STX3: variants seen among roughly 807,000 people sequenced by gnomAD.
STX3 encodes the protein syntaxin-3.
STX3 carries 19 observed loss-of-function variants against 40.2 expected under a neutral mutation model. That is an observed-to-expected ratio of 0.47 (90% CI 0.33 to 0.69). The LOEUF is 0.69. Among genes scored for constraint, STX3 ranks in the 30% least tolerant of loss-of-function variants. The pLI is 0.02. For synonymous variants in STX3, 122 were observed against 132.2 expected, an observed-to-expected ratio of 0.92 and a Z score of 0.53; for missense variants, 364 against 366.7, an observed-to-expected ratio of 0.99 and a Z score of 0.06.
Position 59,770,108 on chromosome 11 carries a change from G to A in STX3, c.31-3103G>A, listed in dbSNP as rs114482319. Among the ~76,000 whole-genome samples, 1,050 of 151,074 alleles carry A rather than the reference G, an allele frequency of 7.0e-3. 9 individuals are homozygous for A. Among genetic ancestry groups the A allele is most frequent in the African/African-American group, 0.025 (1,019 of 41,128 alleles). On this transcript the variant is annotated intron_variant, in intron 1 of 10. Transcript: ENST00000337979. Reference sequence around the variant, plus strand: ...GGGTGTTTGTGTATGTGGAATGGGTGTGGGTGTATGTGTGGAGTGTGTACG... The same window carrying A: ...GGGTGTTTGTGTATGTGGAATGGGTATGGGTGTATGTGTGGAGTGTGTACG...
chr11:59,779,250 G>A (rs1864195826), intron 2 of STX3, among the ~76,000 whole-genome samples: 1 of 152,232 alleles, frequency 6.6e-6, no homozygotes, highest in South Asian at 2.1e-4. Context: ...GAGGCTGAAA[G>A]TCCGAGACCA....
Position 59,797,407 on chromosome 11 carries a change from G to A in STX3, c.*30+11G>A, listed in dbSNP as rs148831521. On this transcript the variant is annotated intron_variant, in intron 10 of 10. Coordinates refer to ENST00000337979, the MANE Select transcript of STX3 (RefSeq NM_004177.5). ...CTGCTGCACTGAAATGTAAGTAAAC[G>A]AGTGGTTCTTGGGGACTCTGGATTT... 246 of 1,605,836 alleles carry A rather than the reference G, an allele frequency of 1.5e-4. No individual in the cohort carries two copies. In the African/African-American group the frequency reaches 3.0e-3, roughly 19 times the overall value.
At chr11:59,755,788 C>T (rs1239969748) in intron 1 of STX3, among the ~76,000 whole-genome samples, 153 bp downstream of exon 1, 1 of 152,206 alleles carries the variant, frequency 6.6e-6, no homozygotes, top group East Asian at 1.9e-4. Context: ...TCCGCACCCT[C>T]CCCTCCCCTC....
chr11:59,777,184 C>T (rs1312585482), intron 2 of STX3, among the ~76,000 whole-genome samples: 5 of 152,134 alleles, frequency 3.3e-5, no homozygotes, highest in Admixed American at 6.5e-5. Flanking sequence ...GAAGAGGAAG[C>T]GTTAAATTCT....
In STX3 at chr11:59,801,004, G is replaced by C; in HGVS notation, c.*180G>C. On this transcript the variant is annotated 3_prime_UTR_variant, in exon 11 of 11. Coordinates refer to ENST00000337979, the MANE Select transcript of STX3 (RefSeq NM_004177.5). Reference sequence around the variant, plus strand: ...ACTCAGCTAACAATCTAGCCCTGGGGGAATGTGATCTACCTGATGCGACCC... The same window carrying C: ...ACTCAGCTAACAATCTAGCCCTGGGCGAATGTGATCTACCTGATGCGACCC... 1 of 1,524,178 alleles carries C rather than the reference G, an allele frequency of 6.6e-7. No homozygotes were observed. The highest frequency in any genetic ancestry group is 1.2e-5 in the South Asian group (1 of 82,316). 94.4% of individuals were successfully genotyped at this position (1,524,178 alleles called of 1,614,324 possible). A position where few individuals can be genotyped will look rare whatever the true frequency, so the allele number is the denominator to read the frequency against.
At position 59,805,189 on chromosome 11, in the gene STX3, A is replaced by AAAAAAAAAAAAC; in HGVS notation, c.*4368_*4369insAAAAAAAACAAA. The AAAAAAAAAAAAC allele has an allele frequency of 6.7e-6, 1 of 149,586 alleles. No individual in the cohort carries two copies. Among genetic ancestry groups the AAAAAAAAAAAAC allele is most frequent in the African/African-American group, 2.5e-5 (1 of 40,238 alleles). 9.3% of individuals were successfully genotyped at this position (149,586 alleles called of 1,614,324 possible). A position where few individuals can be genotyped will look rare whatever the true frequency, so the allele number is the denominator to read the frequency against. On this transcript the variant is annotated 3_prime_UTR_variant, in exon 11 of 11. Transcript: ENST00000337979. ...CTAAATTCCATCTAAAAAAAAAAAA[A>AAAAAAAAAAAAC]AAACAAAAAAAAAAAACTGTTCTTA...
In STX3 at chr11:59,788,922, C is replaced by CGG; in HGVS notation, c.264_265insGG (p.Asn89GlyfsTer8). The CGG allele has an allele frequency of 6.2e-7, 1 of 1,611,202 alleles. No individual in the cohort carries two copies. Among genetic ancestry groups the CGG allele is most frequent in the Non-Finnish European group, 8.5e-7 (1 of 1,178,706 alleles). On this transcript the variant is annotated frameshift_variant, in exon 4 of 11. Transcript: ENST00000337979. LOFTEE classifies it high-confidence loss of function. ...TCACGACTGAGATTAAGAAAAGGGC[C>CGG]AACAACGTCCGGAACAAACTGAAGA...
At chr11:59,795,342 C>T (rs370420316) in intron 8 of STX3, 30 bp from the exon 9 acceptor site, 12 of 1,582,450 alleles carry the variant, frequency 7.6e-6, no homozygotes, top group Non-Finnish European at 1.0e-5. Flanking sequence ...GAGACGTTTA[C>T]TTGGTGTGAT....
intron 2 of STX3, among the ~76,000 whole-genome samples, chr11:59,785,136 A>G (rs1055472924): frequency 2.0e-5 from 3 of 152,140 alleles, no homozygotes; most frequent in African/African-American, 7.2e-5. Context: ...ACCTGTATGT[A>G]TGTTTACACT....
At chr11:59,780,446 A>T (rs1864292552) in intron 2 of STX3, among the ~76,000 whole-genome samples, 1 of 152,152 alleles carries the variant, frequency 6.6e-6, no homozygotes, top group Non-Finnish European at 1.5e-5. Context: ...TCCTGTGTTT[A>T]AGCCACCTAG....
At position 59,801,677 on chromosome 11, in the gene STX3, G is replaced by A. The variant is rs1865893312; in HGVS notation, c.*853G>A. 1 of 985,814 alleles carries A rather than the reference G, an allele frequency of 1.0e-6. No homozygotes were observed. The highest frequency in any genetic ancestry group is 1.2e-6 in the Non-Finnish European group (1 of 829,940). The allele number at this position is 985,814 out of a possible 1,614,324, so 61.1% of individuals were successfully genotyped here. On this transcript the variant is annotated 3_prime_UTR_variant, in exon 11 of 11. Coordinates refer to ENST00000337979, the MANE Select transcript of STX3 (RefSeq NM_004177.5). Reference sequence around the variant, plus strand: ...AAATTGGGCAAGGGACAAGGTGCTAGAATCCTAAGCTCTGGAAATATTTCA... The same window carrying A: ...AAATTGGGCAAGGGACAAGGTGCTAAAATCCTAAGCTCTGGAAATATTTCA...
chr11:59,793,830 G>C (rs1403835094), intron 8 of STX3, among the ~76,000 whole-genome samples: 11 of 150,968 alleles, frequency 7.3e-5, no homozygotes, highest in South Asian at 6.3e-4. Flanking sequence ...TTTTAAGATG[G>C]AGTATTGCTC....
intron 2 of STX3, among the ~76,000 whole-genome samples, chr11:59,777,657 A>C (rs918549595): frequency 6.6e-6 from 1 of 152,210 alleles, no homozygotes; most frequent in Admixed American, 6.5e-5. Flanking sequence ...GTGCCGTTTA[A>C]AGGTCAGCTT....
chr11:59,797,208 T>G, intron 9 of STX3, 75 bp from the exon 10 acceptor site: 1 of 1,103,936 alleles, frequency 9.1e-7, no homozygotes, highest in Non-Finnish European at 1.4e-6. Flanking sequence ...GTGACAGGGG[T>G]TAGGTTTTGG....
intron 1 of STX3, among the ~76,000 whole-genome samples, chr11:59,760,625 C>CTACATACCT (rs1862981195): frequency 6.6e-6 from 1 of 152,176 alleles, no homozygotes; most frequent in Non-Finnish European, 1.5e-5. Context: ...CAGACTTGTG[C>CTACATACCT]TACATACCTT....
Position 59,800,874 on chromosome 11 carries a change from C to G in STX3, c.*50C>G, listed in dbSNP as rs752282587. On this transcript the variant is annotated 3_prime_UTR_variant, in exon 11 of 11. Coordinates refer to ENST00000337979, the MANE Select transcript of STX3 (RefSeq NM_004177.5). ...TCCTAGAAACTGATTTCACTCCAGA[C>G]TGGTGTGGCCACCCTTGTCTTCAGA... The G allele has an allele frequency of 1.3e-5, 20 of 1,536,372 alleles. No homozygotes were observed. Among genetic ancestry groups the G allele is most frequent in the East Asian group, 2.4e-5 (1 of 40,914 alleles).
rs564052518 is a variant in STX3, at chr11:59,774,746, G to T, written c.114+1452G>T. On this transcript the variant is annotated intron_variant, in intron 2 of 10. Coordinates refer to ENST00000337979, the MANE Select transcript of STX3 (RefSeq NM_004177.5). ...CCCGAGAGGCTGAGGCAGGAGAATC[G>T]CTTGAACCCAGGAGGCGTAGGTTGC... Among the ~76,000 whole-genome samples the T allele has an allele frequency of 2.0e-5, 3 of 152,014 alleles. No individual in the cohort carries two copies. The South Asian group carries it at 6.2e-4, about 32-fold the overall frequency.
chr11:59,791,167 G>A (rs1205433980), intron 5 of STX3, among the ~76,000 whole-genome samples: 1 of 152,196 alleles, frequency 6.6e-6, no homozygotes, highest in African/African-American at 2.4e-5. Context: ...CCCTCTCTGA[G>A]AGGCACAGGG....
chr11:59,767,400 T>C (rs1863334987), intron 1 of STX3, among the ~76,000 whole-genome samples: 1 of 152,218 alleles, frequency 6.6e-6, no homozygotes. Flanking sequence ...GATTCTTTGA[T>C]AAAGATGCTG....
Sources: allele counts gnomAD v4.1 joint callset (sites outside exome capture counted in the v4.1 genomes callset), GRCh38; gene constraint gnomAD v4.1.1; transcripts MANE v1.5; gene names NCBI Gene and HGNC (gene_info 2026-07-23, HGNC 2026-07-21).